MAPK4: variants seen among roughly 807,000 people sequenced by gnomAD.
MAPK4 encodes Erk3-related.
In MAPK4, 22 loss-of-function variants were observed where a neutral mutation model predicts 47.7. The observed-to-expected ratio is 0.46, with a 90% CI of 0.33 to 0.66. The LOEUF (loss-of-function observed/expected upper bound fraction) is 0.66. MAPK4 is among the 30% of genes least tolerant of loss of function. MAPK4 has a pLI of 0.02. For synonymous variants in MAPK4, 390 were observed against 365.7 expected (o/e 1.07, Z -0.76); for missense variants, 736 against 831.7 (o/e 0.88, Z 1.42).
At chr18:50,579,722 G>A (rs923188575) in intron 1 of MAPK4, among the ~76,000 whole-genome samples, 1 of 152,160 alleles carries the variant, frequency 6.6e-6, no homozygotes, top group Non-Finnish European at 1.5e-5. Context: ...CCTCAGGATG[G>A]TGCCAGTGCT....
intron 1 of MAPK4, among the ~76,000 whole-genome samples, chr18:50,604,317 A>AT (rs1355911833): frequency 6.6e-6 from 1 of 152,220 alleles, no homozygotes; most frequent in African/African-American, 2.4e-5. Flanking sequence ...ATAGTGGTGA[A>AT]TGTTAAAGTT....
chr18:50,607,272 G>A (rs1433911407), intron 1 of MAPK4, among the ~76,000 whole-genome samples: 1 of 151,976 alleles, frequency 6.6e-6, no homozygotes, highest in African/African-American at 2.4e-5. Context: ...ACCCATTTTT[G>A]CAGAAAAAGA....
intron 1 of MAPK4, among the ~76,000 whole-genome samples, chr18:50,595,440 A>C: frequency 6.6e-6 from 1 of 152,246 alleles, no homozygotes; most frequent in East Asian, 1.9e-4. Flanking sequence ...CAGGAAAAAA[A>C]CATACCTTCC....
chr18:50,704,898 GTTA>G, intron 2 of MAPK4: 1 of 397,696 alleles, frequency 2.5e-6, no homozygotes, highest in Non-Finnish European at 4.4e-6. Context: ...GCAGGTGGCT[GTTA>G]TTATTACCCA....
intron 1 of MAPK4, among the ~76,000 whole-genome samples, chr18:50,570,944 C>T (rs1157338100): frequency 3.9e-5 from 6 of 152,174 alleles, no homozygotes; most frequent in South Asian, 2.1e-4. Flanking sequence ...GGGGTGGTGG[C>T]GGCTTTTATT....
At position 50,730,691 on chromosome 18, in the gene MAPK4, C is replaced by G. The variant is rs1341437980; in HGVS notation, c.*837C>G. 1.3e-5 allele frequency: 2 copies of G among 152,536 alleles called. No individual in the cohort carries two copies. Among genetic ancestry groups the G allele is most frequent in the Non-Finnish European group, 2.9e-5 (2 of 68,054 alleles). 9.4% of individuals were successfully genotyped at this position (152,536 alleles called of 1,614,324 possible). ...CCCCTCAGCACTCCCTATGCACTTT[C>G]CTGACACGCAAAGACACAGCCCTCT... On this transcript the variant is annotated 3_prime_UTR_variant, in exon 6 of 6. Coordinates refer to ENST00000400384, the MANE Select transcript of MAPK4 (RefSeq NM_002747.4).
At chr18:50,598,229 G>T (rs2042502417) in intron 1 of MAPK4, among the ~76,000 whole-genome samples, 1 of 152,178 alleles carries the variant, frequency 6.6e-6, no homozygotes, top group Non-Finnish European at 1.5e-5. Flanking sequence ...CACTGTGAAG[G>T]TAATAAAAAT....
At chr18:50,658,160 C>G (rs1403535876) in intron 1 of MAPK4, among the ~76,000 whole-genome samples, 1 of 152,158 alleles carries the variant, frequency 6.6e-6, no homozygotes, top group Non-Finnish European at 1.5e-5. Context: ...TTCTTGGTTT[C>G]TCTTTCCATA....
intron 1 of MAPK4, among the ~76,000 whole-genome samples, chr18:50,649,710 G>A (rs1034077394): frequency 2.1e-4 from 31 of 150,798 alleles, no homozygotes; most frequent in African/African-American, 7.7e-4. Flanking sequence ...CCTCCCAAAG[G>A]GTAGCTTGGA....
At chr18:50,630,113 T>A (rs2042815513) in intron 1 of MAPK4, among the ~76,000 whole-genome samples, 1 of 152,122 alleles carries the variant, frequency 6.6e-6, no homozygotes, top group Non-Finnish European at 1.5e-5. Flanking sequence ...TGGCATTCGG[T>A]CTGGTAGGAT....
intron 1 of MAPK4, among the ~76,000 whole-genome samples, chr18:50,563,481 A>G (rs1390298818): frequency 2.6e-5 from 4 of 152,170 alleles, no homozygotes; most frequent in African/African-American, 9.7e-5. Flanking sequence ...ACCCAGAACC[A>G]ATTGAGGTTC....
chr18:50,719,116 A>G (rs1246787385), intron 3 of MAPK4, among the ~76,000 whole-genome samples: 1 of 151,872 alleles, frequency 6.6e-6, no homozygotes, highest in African/African-American at 2.4e-5. Context: ...AATAAAAACA[A>G]TGGCAGGAAA....
At chr18:50,646,838 C>A (rs1052114865) in intron 1 of MAPK4, among the ~76,000 whole-genome samples, 1 of 152,274 alleles carries the variant, frequency 6.6e-6, no homozygotes, top group South Asian at 2.1e-4. Flanking sequence ...GGTATGGACC[C>A]TTGCCCACCT....
At chr18:50,674,326 G>C (rs753594769) in intron 2 of MAPK4, among the ~76,000 whole-genome samples, 5 of 152,162 alleles carry the variant, frequency 3.3e-5, no homozygotes, top group Non-Finnish European at 7.4e-5. Flanking sequence ...CTGAAATGTG[G>C]TTTCTTGATT....
chr18:50,666,663 G>A (rs754284930), intron 2 of MAPK4, among the ~76,000 whole-genome samples: 1 of 152,106 alleles, frequency 6.6e-6, no homozygotes, highest in East Asian at 1.9e-4. Context: ...TGCTCTTATC[G>A]GGTTCTCTTT....
chr18:50,711,365 T>C (rs1910350590), intron 2 of MAPK4, among the ~76,000 whole-genome samples: 1 of 152,250 alleles, frequency 6.6e-6, no homozygotes, highest in South Asian at 2.1e-4. Context: ...ACCATGTTCA[T>C]CTGCCTCCCA....
rs1263051241 is a variant in MAPK4 at position 50,731,002 on chromosome 18, G to A, written c.*1148G>A. 2.0e-5 allele frequency: 3 copies of A among 152,212 alleles called. No individual in the cohort carries two copies. The highest frequency in any genetic ancestry group is 4.4e-5 in the Non-Finnish European group (3 of 68,064). 9.4% of individuals were successfully genotyped at this position (152,212 alleles called of 1,614,324 possible). ...TGAGTTTGATCATCCATTTAGCCTT[G>A]ACAAACAGCAGACCCTACAGAGATG... On this transcript the variant is annotated 3_prime_UTR_variant, in exon 6 of 6. Transcript: ENST00000400384.
At chr18:50,609,200 C>T (rs1282959096) in intron 1 of MAPK4, among the ~76,000 whole-genome samples, 1 of 151,788 alleles carries the variant, frequency 6.6e-6, no homozygotes, top group African/African-American at 2.4e-5. Flanking sequence ...AAACCGCCAT[C>T]GTCATCATGG....
At chr18:50,703,285 G>A (rs1909883773) in intron 2 of MAPK4, among the ~76,000 whole-genome samples, 1 of 152,140 alleles carries the variant, frequency 6.6e-6, no homozygotes, top group Non-Finnish European at 1.5e-5. Flanking sequence ...CCTTCCTCCA[G>A]TAACCTGCAC....
Sources: allele counts gnomAD v4.1 joint callset (sites outside exome capture counted in the v4.1 genomes callset), GRCh38; gene constraint gnomAD v4.1.1; transcripts MANE v1.5; gene names NCBI Gene and HGNC (gene_info 2026-07-23, HGNC 2026-07-21).